The following TRIB3 variants were observed in gnomAD, a reference collection of about 807,000 sequenced individuals.
The protein encoded by TRIB3 is tribbles pseudokinase 3.
In TRIB3, 20 loss-of-function variants were observed where a neutral mutation model predicts 16.6. That is an observed-to-expected ratio of 1.20 (90% CI 0.85 to 1.75). The LOEUF (loss-of-function observed/expected upper bound fraction) is 1.75, where lower values mean the gene tolerates loss of function less well. Ranked by LOEUF, TRIB3 falls within the 40% of genes most tolerant of loss-of-function variation. The probability of loss-of-function intolerance (pLI) is 0.00; values close to 1 mark genes in which losing one functional copy is unlikely to be tolerated. For missense variants in TRIB3, 484 were observed against 488.9 expected, an observed-to-expected ratio of 0.99 and a Z score of 0.10; for synonymous variants, 208 against 217.0, an observed-to-expected ratio of 0.96 and a Z score of 0.36.
chr20:389,191 A>G (rs764446532), intron 2 of TRIB3, among the ~76,000 whole-genome samples: 11 of 152,192 alleles, frequency 7.2e-5, no homozygotes, highest in Admixed American at 1.3e-4. Context: ...GGTGGTTTCT[A>G]TCATTGTGCC....
Position 391,311 on chromosome 20 carries a change from G to T in TRIB3, c.316G>T (p.Ala106Ser). Residue 106 changes from alanine (A) to serine (S), a missense_variant, in exon 3 of 4, where the codon GCC (alanine) becomes TCC (serine). Coordinates refer to ENST00000217233, the MANE Select transcript of TRIB3 (RefSeq NM_021158.5). ...CKVYPVQEAL[A>S]VLEPYARLPP... is the part of the protein sequence containing the mutation. Reference sequence around the variant, plus strand: ...GGTGTACCCCGTCCAGGAAGCCCTGGCCGTGCTGGAGCCCTATGCGCGGCT... The same window carrying T: ...GGTGTACCCCGTCCAGGAAGCCCTGTCCGTGCTGGAGCCCTATGCGCGGCT... The T allele has an allele frequency of 6.2e-7, 1 of 1,612,716 alleles. No individual in the cohort carries two copies. The highest frequency in any genetic ancestry group is 8.5e-7 in the Non-Finnish European group (1 of 1,179,958).
rs147943811 is a variant in TRIB3, at chr20:384,468, A to G, written c.-1+3299A>G. ...AACCTCTGCCTCCCAGGCTCAAGTG[A>G]TTCTCCTGCCTCAGCCTCCCGAGTA... On this transcript the variant is annotated intron_variant, in intron 1 of 3. Coordinates refer to ENST00000217233, the MANE Select transcript of TRIB3 (RefSeq NM_021158.5). 8.5e-3 allele frequency among the ~76,000 whole-genome samples: 1,294 copies of G among 152,030 alleles called. 14 individuals carry two copies. The highest frequency in any genetic ancestry group is 0.03 in the African/African-American group (1,228 of 41,440).
At chr20:394,073 C>T (rs1489283699) in intron 3 of TRIB3, among the ~76,000 whole-genome samples, 1 of 149,672 alleles carries the variant, frequency 6.7e-6, no homozygotes, top group Non-Finnish European at 1.5e-5. Flanking sequence ...CTCTGTTGCC[C>T]AGGTTGGAGT....
At chr20:393,126 A>G (rs1469418159) in intron 3 of TRIB3, among the ~76,000 whole-genome samples, 1 of 95,760 alleles carries the variant, frequency 1.0e-5, no homozygotes, top group Non-Finnish European at 2.1e-5. Context: ...GTGCTCTCCA[A>G]TGTTAACACC....
Position 381,143 on chromosome 20 carries a change from C to T in TRIB3, c.-27C>T, listed in dbSNP as rs1324863290. ...GGAGGCTCTGAGCCCCGGCGGCGCC[C>T]GGGCCCACGCGGAACGACGGGGCGA... On this transcript the variant is annotated 5_prime_UTR_variant, in exon 1 of 4. Transcript: ENST00000217233. 2.0e-5 allele frequency: 3 copies of T among 146,926 alleles called. No individual in the cohort carries two copies. Among genetic ancestry groups the T allele is most frequent in the Non-Finnish European group, 4.5e-5 (3 of 66,462 alleles). The allele number at this position is 146,926 out of a possible 1,614,324, so 9.1% of individuals were successfully genotyped here. A position where few individuals can be genotyped will look rare whatever the true frequency, so the allele number is the denominator to read the frequency against.
chr20:381,771 G>C (rs2014659205), intron 1 of TRIB3, among the ~76,000 whole-genome samples: 1 of 152,122 alleles, frequency 6.6e-6, no homozygotes. Context: ...GAGTGGGAGC[G>C]GGGGCGCAGC....
intron 1 of TRIB3, among the ~76,000 whole-genome samples, chr20:384,044 A>G (rs1376683333): frequency 6.6e-6 from 1 of 152,054 alleles, no homozygotes; most frequent in African/African-American, 2.4e-5. Flanking sequence ...CAATCCATCC[A>G]GTCCATCCAG....
intron 3 of TRIB3, 130 bp from the exon 4 acceptor site, chr20:396,068 C>T: frequency 7.3e-7 from 1 of 1,367,284 alleles, no homozygotes; most frequent in Non-Finnish European, 9.9e-7. Context: ...TCAGACATCA[C>T]AGGACTGGCT....
At chr20:382,124 T>C (rs1016308358) in intron 1 of TRIB3, among the ~76,000 whole-genome samples, 18 of 115,462 alleles carry the variant, frequency 1.6e-4, no homozygotes, top group African/African-American at 5.8e-4. Flanking sequence ...TGTGTGTGTG[T>C]GTGCGTGCGC....
intron 1 of TRIB3, among the ~76,000 whole-genome samples, chr20:382,124 T>TGTGTGC (rs1328381663): frequency 6.0e-4 from 69 of 115,460 alleles, no homozygotes; most frequent in African/African-American, 2.2e-3. Flanking sequence ...TGTGTGTGTG[T>TGTGTGC]GTGCGTGCGC....
chr20:383,425 G>T (rs7273635), intron 1 of TRIB3, among the ~76,000 whole-genome samples: 1 of 152,150 alleles, frequency 6.6e-6, no homozygotes, highest in Non-Finnish European at 1.5e-5. Flanking sequence ...AAGCTCACAC[G>T]CTTTTCATCG....
At chr20:382,547 T>C (rs1183459240) in intron 1 of TRIB3, 3 of 1,535,590 alleles carry the variant, frequency 2.0e-6, no homozygotes, top group Non-Finnish European at 1.7e-6. Flanking sequence ...CTCCCAAGGA[T>C]GGTACTTATG....
At chr20:384,202 T>A (rs934467099) in intron 1 of TRIB3, among the ~76,000 whole-genome samples, 1 of 152,272 alleles carries the variant, frequency 6.6e-6, no homozygotes, top group East Asian at 1.9e-4. Flanking sequence ...TCTTGTACTT[T>A]CAAATCCACC....
intron 1 of TRIB3, among the ~76,000 whole-genome samples, chr20:383,353 A>G (rs1356972322): frequency 6.6e-6 from 1 of 152,252 alleles, no homozygotes; most frequent in East Asian, 1.9e-4. Flanking sequence ...GTGTATTTGC[A>G]TGCTTACACA....
At chr20:389,210 A>G (rs1305611812) in intron 2 of TRIB3, among the ~76,000 whole-genome samples, 2 of 152,156 alleles carry the variant, frequency 1.3e-5, no homozygotes, top group Admixed American at 1.3e-4. Context: ...CCCCTTTTAT[A>G]GATAGAGGAC....
rs11374668 is a variant in TRIB3 at position 391,001 on chromosome 20, CAAAAAAA to C, written c.292-269_292-263del. Among the ~76,000 whole-genome samples the C allele has an allele frequency of 4.5e-3, 388 of 85,782 alleles. 1 individual carries two copies. The highest frequency in any genetic ancestry group is 6.7e-3 in the Non-Finnish European group (290 of 43,146). The allele number at this position is 85,782 out of a possible 152,430, so 56.3% of individuals were successfully genotyped here. Reference sequence around the variant, plus strand: ...TGGGTGACAGAGCGAGACTCCGTCTCAAAAAAAAAAAAAAAAAAAAAAAGCACAGACA... The same window carrying C: ...TGGGTGACAGAGCGAGACTCCGTCTCAAAAAAAAAAAAAAAAGCACAGACA... On this transcript the variant is annotated intron_variant, in intron 2 of 3. Coordinates refer to ENST00000217233, the MANE Select transcript of TRIB3 (RefSeq NM_021158.5).
rs772075386 is a variant in TRIB3 at position 388,223 on chromosome 20, T to G, written c.213T>G (p.Tyr71Ter). The G allele has an allele frequency of 1.9e-6, 3 of 1,613,836 alleles. No homozygotes were observed. The highest frequency in any genetic ancestry group is 1.1e-5 in the South Asian group (1 of 91,080). The change falls in exon 2 of 4, where the codon TAT becomes TAG. Residue 71 changes from tyrosine (Y) to a stop codon, truncating the protein, a stop_gained. Coordinates refer to ENST00000217233, the MANE Select transcript of TRIB3 (RefSeq NM_021158.5). LOFTEE classifies it high-confidence loss of function. The stretch of plus-strand genomic sequence containing the variant: ...CCACTGCCTCCCGTCTTGGGCCCTA[T>G]GTCCTCCTGGAGCCCGAGGAGGGCG... ...AVATASRLGP[Y>*]VLLEPEEGGR...
rs2015117913 is a variant in TRIB3 at position 396,214 on chromosome 20, G to C, written c.601G>C (p.Glu201Gln). Residue 201 changes from glutamate to glutamine, a missense_variant, in exon 4 of 4, where the codon GAG becomes CAG. Physicochemically the swap from Glu to Gln is conservative, Grantham distance 29. Coordinates refer to ENST00000217233, the MANE Select transcript of TRIB3 (RefSeq NM_021158.5). ...ATGTCCCAGGAAGAAGCTGGTGCTG[G>C]AGAACCTGGAGGACTCCTGCGTGCT... The part of the protein sequence containing the change: ...ADRERKKLVL[E>Q]NLEDSCVLTG... 1.2e-6 allele frequency: 2 copies of C among 1,608,272 alleles called. No homozygotes were observed. Among genetic ancestry groups the C allele is most frequent in the Non-Finnish European group, 1.7e-6 (2 of 1,175,360 alleles).
intron 1 of TRIB3, among the ~76,000 whole-genome samples, chr20:386,872 G>T (rs938459095): frequency 6.6e-6 from 1 of 151,716 alleles, no homozygotes; most frequent in Non-Finnish European, 1.5e-5. Flanking sequence ...CCTTGGTCAC[G>T]TGCTGCTACC....
Sources: gnomAD v4.1 joint callset for allele counts (sites outside exome capture counted in the v4.1 genomes callset) on GRCh38, gnomAD v4.1.1 for gene constraint, MANE v1.5 for transcripts, NCBI Gene and HGNC (gene_info 2026-07-23, HGNC 2026-07-21) for gene names.